Variants in SLC22A14 observed in about 807,000 individuals in gnomAD.
SLC22A14 encodes organic cation transporter-like 4.
In SLC22A14, 50 loss-of-function variants were observed where a neutral mutation model predicts 53.9. The observed-to-expected ratio is 0.93, with a 90% CI of 0.74 to 1.17. The LOEUF (loss-of-function observed/expected upper bound fraction) is 1.17. Among genes scored for constraint, SLC22A14 ranks in the 50% most tolerant of loss-of-function variants. SLC22A14 has a pLI of 0.00. For synonymous variants in SLC22A14, 312 were observed against 303.0 expected (o/e 1.03, Z -0.31); for missense variants, 671 against 734.7 (o/e 0.91, Z 1.00).
chr3:38,280,631 C>CTTT (rs35898444), upstream of SLC22A14, among the ~76,000 whole-genome samples: 249 of 143,360 alleles, frequency 1.7e-3, no homozygotes, highest in African/African-American at 6.1e-3. Flanking sequence ...GTTCTGGGAT[C>CTTT]TTTTTTTTTT....
At chr3:38,317,125 G>A (rs899334926) in intron 10 of SLC22A14, among the ~76,000 whole-genome samples, 1 of 152,208 alleles carries the variant, frequency 6.6e-6, no homozygotes, top group Admixed American at 6.5e-5. Context: ...CAATGAACAC[G>A]CTCTCCCTGG....
At chr3:38,294,940 T>A (rs146012549) in intron 1 of SLC22A14, among the ~76,000 whole-genome samples, 3 of 152,146 alleles carry the variant, frequency 2.0e-5, no homozygotes, top group Admixed American at 6.5e-5. Context: ...TGTAGGTAAC[T>A]TTTTGAGTCA....
chr3:38,289,718 C>A (rs1050154608), intron 1 of SLC22A14, among the ~76,000 whole-genome samples: 5 of 152,198 alleles, frequency 3.3e-5, no homozygotes, highest in African/African-American at 7.2e-5. Context: ...CTCACTGGAT[C>A]AGGAGCAGAG....
Position 38,318,477 on chromosome 3 carries a change from C to G in SLC22A14, c.*228C>G. ...GTTCAGTCTGGGGGCAGGGTCAGTC[C>G]TTCTCCCAGGCCAGCCCTTGACATT... On this transcript the variant is annotated 3_prime_UTR_variant, in exon 11 of 11. Transcript: ENST00000448498. 3 of 537,340 alleles carry G rather than the reference C, an allele frequency of 5.6e-6. No individual in the cohort carries two copies. Among genetic ancestry groups the G allele is most frequent in the Non-Finnish European group, 1.0e-5 (3 of 300,624 alleles). The allele number at this position is 537,340 out of a possible 1,614,324, so 33.3% of individuals were successfully genotyped here. A position where few individuals can be genotyped will look rare whatever the true frequency, so the allele number is the denominator to read the frequency against.
In SLC22A14 at chr3:38,316,778, CT is replaced by C. The variant is rs1385256433; in HGVS notation, c.1733+255del. 5.9e-5 allele frequency among the ~76,000 whole-genome samples: 9 copies of C among 152,364 alleles called. No individual in the cohort carries two copies. The East Asian group carries it at 9.6e-4, about 16-fold the overall frequency. ...GCCATGTCGTCTCCTTTCCTTGCCC[CT>C]GCCTGCCTGTCTGGATGGGTGCATT... On this transcript the variant is annotated intron_variant, in intron 10 of 10. Transcript: ENST00000448498.
Position 38,307,837 on chromosome 3 carries a change from C to A in SLC22A14, c.775+117C>A. 8.9e-7 allele frequency: 1 copy of A among 1,126,204 alleles called. No homozygotes were observed. The allele number at this position is 1,126,204 out of a possible 1,614,324, so 69.8% of individuals were successfully genotyped here. A position where few individuals can be genotyped will look rare whatever the true frequency, so the allele number is the denominator to read the frequency against. On this transcript the variant is annotated intron_variant, in intron 4 of 10. Coordinates refer to ENST00000448498, the MANE Select transcript of SLC22A14 (RefSeq NM_001320033.2). The surrounding 1 kb of genome is among the most constrained non-coding windows in gnomAD (Gnocchi z 4.4). ...GCGGCATAGGCAGATGGCAAGGGGG[C>A]GTGGTGTAGCTGTAAGAGGGCATGG...
intron 1 of SLC22A14, among the ~76,000 whole-genome samples, chr3:38,291,022 T>C (rs1181042290): frequency 6.6e-6 from 1 of 152,244 alleles, no homozygotes; most frequent in African/African-American, 2.4e-5. Flanking sequence ...TTTCTCTCCA[T>C]ATTGCTGCGT....
Position 38,315,686 on chromosome 3 carries a change from G to A in SLC22A14, c.1507G>A (p.Ala503Thr), listed in dbSNP as rs114657493. 1.3e-5 allele frequency: 21 copies of A among 1,613,886 alleles called. No individual in the cohort carries two copies. Among genetic ancestry groups the A allele is most frequent in the African/African-American group, 6.7e-5 (5 of 75,024 alleles). Residue 503 changes from alanine to threonine, a missense_variant, in exon 9 of 11, where the codon GCT becomes ACT. Transcript: ENST00000448498. ...TGTCACTGTGTTCTTCCTCTACACC[G>A]CTGAGCTCCTCCCCACTGTGCTCAG... is the stretch of plus-strand genomic sequence containing the variant. Reference protein sequence around the residue: ...ATVTVFFLYTAELLPTVLRAT... With the variant: ...ATVTVFFLYTTELLPTVLRAT...
At position 38,307,250 on chromosome 3, in the gene SLC22A14, A is replaced by C. The variant is rs756681041; in HGVS notation, c.517-4A>C. 6 of 1,611,056 alleles carry C rather than the reference A, an allele frequency of 3.7e-6. No individual in the cohort carries two copies. Among genetic ancestry groups the C allele is most frequent in the African/African-American group, 1.3e-5 (1 of 74,850 alleles). On this transcript the variant is annotated splice_polypyrimidine_tract_variant and splice_region_variant and intron_variant, in intron 2 of 10. Transcript: ENST00000448498. The surrounding 1 kb of genome is among the most constrained non-coding windows in gnomAD (Gnocchi z 4.4). ...CGTGGCCAATCTCTGTGTCTGACCC[A>C]CAGTTTGACTTGGTATGTGGCATGG...
chr3:38,312,269 G>C (rs1704488429), intron 5 of SLC22A14, among the ~76,000 whole-genome samples: 1 of 152,160 alleles, frequency 6.6e-6, no homozygotes, highest in Non-Finnish European at 1.5e-5. Flanking sequence ...TTGAGCCTGG[G>C]AGTAAAATGG....
intron 1 of SLC22A14, among the ~76,000 whole-genome samples, chr3:38,289,624 C>A (rs1009933079): frequency 2.6e-4 from 40 of 152,290 alleles, no homozygotes; most frequent in African/African-American, 9.4e-4. Flanking sequence ...TACTAGTGTT[C>A]AGCTCGATTA....
intron 1 of SLC22A14, among the ~76,000 whole-genome samples, chr3:38,289,990 A>G (rs1703877038): frequency 6.6e-6 from 1 of 152,212 alleles, no homozygotes; most frequent in African/African-American, 2.4e-5. Context: ...CTCAGGCAAT[A>G]GATGATTGGC....
At position 38,313,092 on chromosome 3, in the gene SLC22A14, G is replaced by A. The variant is rs757556942; in HGVS notation, c.1038G>A (p.Lys346=). ...VLCYAASVNK[K]TIPSNLLDEL... ...GCTACGCCGCAAGTGTGAACAAGAA[G>A]ACCATTCCTTCAAATCTGCTGGACG... The change falls in exon 6 of 11, where the codon AAG becomes AAA. Residue 346 remains lysine (K), a synonymous_variant. Coordinates refer to ENST00000448498, the MANE Select transcript of SLC22A14 (RefSeq NM_001320033.2). 2.5e-6 allele frequency: 4 copies of A among 1,609,100 alleles called. No homozygotes were observed. The highest frequency in any genetic ancestry group is 3.4e-6 in the Non-Finnish European group (4 of 1,178,070).
At chr3:38,312,917 C>T in intron 5 of SLC22A14, 82 bp from the exon 6 acceptor site, 1 of 1,536,124 alleles carries the variant, frequency 6.5e-7, no homozygotes, top group Non-Finnish European at 8.8e-7. Flanking sequence ...ACAGGATGGC[C>T]ACAGCTGAGG....
upstream of SLC22A14, among the ~76,000 whole-genome samples, chr3:38,279,532 C>T (rs796555213): frequency 2.6e-5 from 4 of 152,322 alleles, no homozygotes; most frequent in African/African-American, 9.6e-5. Flanking sequence ...CCGCCCACCT[C>T]GGCCTCCCAA....
chr3:38,285,343 C>T (rs1013367329), intron 1 of SLC22A14, among the ~76,000 whole-genome samples: 7 of 152,128 alleles, frequency 4.6e-5, no homozygotes, highest in African/African-American at 9.7e-5. Context: ...AAAACAGACA[C>T]GTGTGAATCC....
rs539573371 is a variant in SLC22A14 at position 38,310,253 on chromosome 3, T to C, written c.944+1131T>C. Among the ~76,000 whole-genome samples, 27 of 151,968 alleles carry C rather than the reference T, an allele frequency of 1.8e-4. 1 individual carries two copies. The highest frequency in any genetic ancestry group is 1.1e-3 in the Admixed American group (17 of 15,256). ...GTTAGCCAGGCATGGTGGCACACAC[T>C]TGTAGTCCCAGCTACTTGGGAGGCT... On this transcript the variant is annotated intron_variant, in intron 5 of 10. Transcript: ENST00000448498.
intron 10 of SLC22A14, among the ~76,000 whole-genome samples, chr3:38,316,731 T>C (rs1461982275): frequency 1.3e-5 from 2 of 152,220 alleles, no homozygotes; most frequent in Non-Finnish European, 2.9e-5. Context: ...CCCATCCTGC[T>C]GCCCCTCCTG....
intron 1 of SLC22A14, among the ~76,000 whole-genome samples, chr3:38,286,481 C>T (rs1486250382): frequency 6.6e-6 from 1 of 151,800 alleles, no homozygotes; most frequent in Non-Finnish European, 1.5e-5. Flanking sequence ...GTGGCACCAC[C>T]TCAGCTCACT....
Sources: allele counts gnomAD v4.1 joint callset (sites outside exome capture counted in the v4.1 genomes callset), GRCh38; gene constraint gnomAD v4.1.1; non-coding constraint Gnocchi (gnomAD v3.1); transcripts MANE v1.5; gene names NCBI Gene and HGNC (gene_info 2026-07-23, HGNC 2026-07-21).